The following PRKCQ variants were observed in gnomAD, a reference collection of about 807,000 sequenced individuals.
PRKCQ encodes protein kinase C theta type.
A neutral mutation model predicts 91.2 loss-of-function variants in PRKCQ; 41 were observed. That is an observed-to-expected ratio of 0.45 (90% CI 0.35 to 0.58). PRKCQ has a LOEUF of 0.58. Among genes scored for constraint, PRKCQ ranks in the 20% least tolerant of loss-of-function variants. The pLI is 0.00. For missense variants in PRKCQ, 673 were observed against 896.5 expected (o/e 0.75, Z 3.18); for synonymous variants, 307 against 316.9 (o/e 0.97, Z 0.33).
chr10:6,473,002 C>T (rs1266282303), intron 12 of PRKCQ, among the ~76,000 whole-genome samples: 4 of 152,212 alleles, frequency 2.6e-5, no homozygotes, highest in Admixed American at 6.5e-5. Flanking sequence ...TGTGAGCCAC[C>T]GTGCCTGGCC....
chr10:6,405,131 G>A, the PRKCQ span, among the ~76,000 whole-genome samples: 2 of 152,026 alleles, frequency 1.3e-5, no homozygotes, highest in African/African-American at 2.4e-5. Context: ...ACAGGTGCAC[G>A]CCACCACACC....
intron 15 of PRKCQ, among the ~76,000 whole-genome samples, chr10:6,453,255 C>T (rs1204828261): frequency 1.2e-4 from 18 of 152,140 alleles, no homozygotes; most frequent in East Asian, 3.9e-4. Flanking sequence ...AAAAAGTGGG[C>T]GAAGGATATG....
intron 3 of PRKCQ, among the ~76,000 whole-genome samples, chr10:6,508,076 C>T (rs991835495): frequency 3.3e-5 from 5 of 152,032 alleles, no homozygotes; most frequent in African/African-American, 1.2e-4. Flanking sequence ...TTACACTGAT[C>T]TGGGAAGGAA....
At chr10:6,450,682 C>T (rs1823129147) in intron 15 of PRKCQ, among the ~76,000 whole-genome samples, 1 of 152,148 alleles carries the variant, frequency 6.6e-6, no homozygotes, top group Admixed American at 6.5e-5. Flanking sequence ...GGAAGTAAAG[C>T]TCTCCTCAGC....
intron 1 of PRKCQ, among the ~76,000 whole-genome samples, chr10:6,556,612 T>A (rs934921589): frequency 6.6e-6 from 1 of 151,956 alleles, no homozygotes; most frequent in South Asian, 2.1e-4. Flanking sequence ...GAAACAGTCA[T>A]GAATCTAATT....
chr10:6,558,806 G>C (rs115631777), intron 1 of PRKCQ, among the ~76,000 whole-genome samples: 1 of 152,264 alleles, frequency 6.6e-6, no homozygotes, highest in African/African-American at 2.4e-5. Flanking sequence ...AAGATTTGGG[G>C]AAAATTCTCA....
chr10:6,535,153 C>G (rs1839533922), intron 1 of PRKCQ, among the ~76,000 whole-genome samples: 1 of 152,266 alleles, frequency 6.6e-6, no homozygotes, highest in Non-Finnish European at 1.5e-5. Flanking sequence ...CACTACAAGA[C>G]CTCTCTGTTC....
intron 1 of PRKCQ, among the ~76,000 whole-genome samples, chr10:6,549,480 T>C (rs770500177): frequency 1.1e-4 from 17 of 152,076 alleles, no homozygotes; most frequent in Non-Finnish European, 2.9e-5. Context: ...AATCAGAAAA[T>C]TCCCCCATCA....
chr10:6,557,635 A>G (rs1272652024), intron 1 of PRKCQ, among the ~76,000 whole-genome samples: 1 of 152,146 alleles, frequency 6.6e-6, no homozygotes, highest in Non-Finnish European at 1.5e-5. Flanking sequence ...ACCTAGTAGT[A>G]GCCTCAAAAA....
intron 4 of PRKCQ, among the ~76,000 whole-genome samples, chr10:6,503,286 G>A (rs1838016797): frequency 6.6e-6 from 1 of 152,224 alleles, no homozygotes; most frequent in African/African-American, 2.4e-5. Context: ...CAAGTTCTGA[G>A]TGTGAGTCCC....
intron 16 of PRKCQ, among the ~76,000 whole-genome samples, chr10:6,440,124 G>C (rs970459860): frequency 1.3e-5 from 2 of 152,160 alleles, no homozygotes; most frequent in Non-Finnish European, 2.9e-5. Flanking sequence ...CTGTGAAGAG[G>C]TGCCTTCTGC....
Position 6,441,879 on chromosome 10 carries a change from G to T in PRKCQ, c.1836+14C>A, listed in dbSNP as rs529220111. On this transcript the variant is annotated intron_variant, in intron 16 of 17. Transcript: ENST00000263125. The stretch of plus-strand genomic sequence containing the variant: ...TGCTCGTCTTATGAAGACGCTCTTG[G>T]CTTCGCTTCTTACCTTCACCAGAAG... The T allele has an allele frequency of 6.3e-7, 1 of 1,586,370 alleles. No homozygotes were observed. Among genetic ancestry groups the T allele is most frequent in the African/African-American group, 1.3e-5 (1 of 74,300 alleles).
At chr10:6,404,415 CTTTT>C in the PRKCQ span, among the ~76,000 whole-genome samples, 5 of 149,328 alleles carry the variant, frequency 3.3e-5, no homozygotes, top group East Asian at 2.0e-4. Flanking sequence ...TTCTTTCTTT[CTTTT>C]TTCTCTTTCT....
chr10:6,419,473 T>TC, the PRKCQ span, among the ~76,000 whole-genome samples: 27,375 of 152,076 alleles, frequency 0.18, 3,191 homozygotes, highest in Non-Finnish European at 0.24. Context: ...CCCTCCATGC[T>TC]CCCCCATTCT....
intron 14 of PRKCQ, among the ~76,000 whole-genome samples, chr10:6,460,009 A>G (rs1835237265): frequency 6.6e-6 from 1 of 152,236 alleles, no homozygotes; most frequent in South Asian, 2.1e-4. Flanking sequence ...CAGACAGTTG[A>G]ATAATTTCTT....
At chr10:6,477,928 G>A (rs76887323) in intron 12 of PRKCQ, among the ~76,000 whole-genome samples, 1,596 of 152,226 alleles carry the variant, frequency 0.01, 25 homozygotes, top group African/African-American at 0.036. Flanking sequence ...AAAAGCCTCC[G>A]CCCCTTGTGT....
At chr10:6,505,967 T>C (rs567399061) in intron 4 of PRKCQ, among the ~76,000 whole-genome samples, 2 of 152,260 alleles carry the variant, frequency 1.3e-5, no homozygotes, top group South Asian at 2.1e-4. Flanking sequence ...TCAATTTACA[T>C]TGGGTCATGA....
At chr10:6,522,675 C>CA (rs1419073869) in intron 1 of PRKCQ, among the ~76,000 whole-genome samples, 6 of 152,168 alleles carry the variant, frequency 3.9e-5, no homozygotes, top group African/African-American at 1.4e-4. Context: ...GTTTGGACAG[C>CA]ATTTGTATTA....
intron 1 of PRKCQ, among the ~76,000 whole-genome samples, chr10:6,534,484 G>A (rs992587458): frequency 4.0e-5 from 6 of 151,824 alleles, no homozygotes; most frequent in Admixed American, 6.6e-5. Flanking sequence ...AGCAGATCTC[G>A]CCATAGCAAT....
Sources: allele counts gnomAD v4.1 joint callset (sites outside exome capture counted in the v4.1 genomes callset), GRCh38; gene constraint gnomAD v4.1.1; transcripts MANE v1.5; gene names NCBI Gene and HGNC (gene_info 2026-07-23, HGNC 2026-07-21).